Variants in TRPS1 observed in about 807,000 individuals in gnomAD.
TRPS1 encodes zinc finger transcription factor Trps1.
Under a neutral mutation model 101.2 loss-of-function variants are expected in TRPS1, and 6 were observed. The ratio of observed to expected loss-of-function variants is 0.06; its 90% confidence interval spans 0.03 to 0.12. The LOEUF is 0.12. TRPS1 is among the 10% of genes least tolerant of loss of function. The pLI is 1.00. For synonymous variants in TRPS1, 578 were observed against 589.8 expected, an observed-to-expected ratio of 0.98 and a Z score of 0.29; for missense variants, 1,363 against 1,567.0, an observed-to-expected ratio of 0.87 and a Z score of 2.20.
intron 5 of TRPS1, among the ~76,000 whole-genome samples, chr8:115,550,991 T>C (rs1816691391): frequency 6.6e-6 from 1 of 152,136 alleles, no homozygotes; most frequent in African/African-American, 2.4e-5. Flanking sequence ...CAGTGACTCC[T>C]GAAGATACAA....
chr8:115,451,677 G>A (rs1748021286), intron 5 of TRPS1, among the ~76,000 whole-genome samples: 1 of 152,234 alleles, frequency 6.6e-6, no homozygotes, highest in African/African-American at 2.4e-5. Context: ...CTTCAATGAC[G>A]TTCTGTTCAA....
chr8:115,535,643 C>G (rs931456283), intron 5 of TRPS1, among the ~76,000 whole-genome samples: 3 of 150,230 alleles, frequency 2.0e-5, no homozygotes, highest in Non-Finnish European at 4.4e-5. Context: ...GGGCAGATCA[C>G]GAGGTCAGGA....
At chr8:115,575,079 C>T (rs1162282022) in intron 5 of TRPS1, among the ~76,000 whole-genome samples, 1 of 151,908 alleles carries the variant, frequency 6.6e-6, no homozygotes, top group African/African-American at 2.4e-5. Flanking sequence ...CTGTGTGGTC[C>T]CATAGAGGAG....
At chr8:115,446,102 CAGG>C (rs1372461255) in intron 5 of TRPS1, among the ~76,000 whole-genome samples, 1 of 151,954 alleles carries the variant, frequency 6.6e-6, no homozygotes, top group Non-Finnish European at 1.5e-5. Context: ...CATGATAAGG[CAGG>C]TACGGCTATA....
chr8:115,494,924 C>T (rs922363456), intron 5 of TRPS1, among the ~76,000 whole-genome samples: 24 of 152,144 alleles, frequency 1.6e-4, no homozygotes, highest in African/African-American at 3.4e-4. Flanking sequence ...TCATCCCACT[C>T]GGAGTGGAAC....
At chr8:115,533,436 G>GTTTTTTTCTTTT (rs1816188433) in intron 5 of TRPS1, among the ~76,000 whole-genome samples, 1 of 34,986 alleles carries the variant, frequency 2.9e-5, no homozygotes, top group Non-Finnish European at 5.3e-5. Flanking sequence ...CATGTAATCT[G>GTTTTTTTCTTTT]TTTTTTTTTT....
intron 5 of TRPS1, among the ~76,000 whole-genome samples, chr8:115,553,138 T>C (rs3802219): frequency 0.66 from 100,545 of 151,884 alleles, 34,039 homozygotes; most frequent in East Asian, 0.83. Flanking sequence ...TTTTAAACAG[T>C]ACCAAAATTA....
At chr8:115,450,367 T>C (rs568240392) in intron 5 of TRPS1, among the ~76,000 whole-genome samples, 3 of 152,162 alleles carry the variant, frequency 2.0e-5, no homozygotes, top group Non-Finnish European at 4.4e-5. Flanking sequence ...TCACCGACCA[T>C]CTTAAATGCT....
chr8:115,459,048 C>T (rs544452639), intron 5 of TRPS1, among the ~76,000 whole-genome samples: 3 of 151,908 alleles, frequency 2.0e-5, no homozygotes, highest in Non-Finnish European at 4.4e-5. Flanking sequence ...TAAAAGTTAC[C>T]TTTTCTTAGC....
chr8:115,440,054 A>G (rs551663260), intron 5 of TRPS1, among the ~76,000 whole-genome samples: 1 of 152,324 alleles, frequency 6.6e-6, no homozygotes, highest in Admixed American at 6.5e-5. Context: ...GTTTGCTGCA[A>G]TTTAGTTTAA....
Position 115,473,948 on chromosome 8 carries a change from C to T in TRPS1, c.2701-55496G>A, listed in dbSNP as rs185042689. ...ATGCCCTAAGGAGTTCTTCAGTTTT[C>T]GGCACTAGAATCAAGTCTTTCTTAG... On this transcript the variant is annotated intron_variant, in intron 5 of 6. Coordinates refer to ENST00000395715, the MANE Select transcript of TRPS1 (RefSeq NM_014112.5). Among the ~76,000 whole-genome samples, 133 of 152,180 alleles carry T rather than the reference C, an allele frequency of 8.7e-4. 1 individual carries two copies. Among genetic ancestry groups the T allele is most frequent in the Admixed American group, 4.0e-3 (61 of 15,282 alleles).
intron 5 of TRPS1, among the ~76,000 whole-genome samples, chr8:115,547,528 C>T (rs886681858): frequency 2.6e-5 from 4 of 152,278 alleles, no homozygotes; most frequent in African/African-American, 9.6e-5. Flanking sequence ...GGTCATTAAA[C>T]GCATCACACA....
intron 5 of TRPS1, among the ~76,000 whole-genome samples, chr8:115,516,278 A>AC (rs5894270): frequency 1 from 151,453 of 151,454 alleles, 75,726 homozygotes; most frequent in Middle Eastern, 1. Context: ...TAGCAAATGA[A>AC]CTAAAGTATC....
chr8:115,534,705 C>T (rs1816238675), intron 5 of TRPS1, among the ~76,000 whole-genome samples: 1 of 152,084 alleles, frequency 6.6e-6, no homozygotes. Flanking sequence ...TTAAGCATAT[C>T]AACAACAGTG....
intron 5 of TRPS1, among the ~76,000 whole-genome samples, chr8:115,501,283 C>T (rs1216291729): frequency 1.3e-5 from 2 of 152,116 alleles, no homozygotes; most frequent in Admixed American, 1.3e-4. Flanking sequence ...CATGTTCCAG[C>T]TACTATGTTA....
intron 5 of TRPS1, among the ~76,000 whole-genome samples, chr8:115,467,350 G>A (rs184220010): frequency 6.6e-6 from 1 of 151,936 alleles, no homozygotes; most frequent in East Asian, 1.9e-4. Flanking sequence ...AATGCTCCAG[G>A]AACACTGTGT....
intron 1 of TRPS1, among the ~76,000 whole-genome samples, chr8:115,639,626 G>A (rs1162184535): frequency 1.3e-5 from 2 of 151,276 alleles, no homozygotes; most frequent in African/African-American, 2.4e-5. Flanking sequence ...TCCAGGAGTT[G>A]GAAACCAGCC....
chr8:115,617,820 C>T (rs542807865), intron 3 of TRPS1, among the ~76,000 whole-genome samples: 1 of 152,274 alleles, frequency 6.6e-6, no homozygotes, highest in East Asian at 1.9e-4. Context: ...GGTTAATTTG[C>T]TGCTCCACAG....
chr8:115,642,881 G>GTT (rs1039707290), intron 1 of TRPS1, among the ~76,000 whole-genome samples: 31 of 144,846 alleles, frequency 2.1e-4, no homozygotes, highest in South Asian at 4.4e-4. Context: ...TATATTTAAC[G>GTT]TTATATATAT....
Sources: gnomAD v4.1 joint callset for allele counts (sites outside exome capture counted in the v4.1 genomes callset) on GRCh38, gnomAD v4.1.1 for gene constraint, MANE v1.5 for transcripts, NCBI Gene and HGNC (gene_info 2026-07-23, HGNC 2026-07-21) for gene names.